The following INPP4B variants were observed in gnomAD, a reference collection of about 807,000 sequenced individuals.
INPP4B encodes inositol polyphosphate-4-phosphatase type II B.
INPP4B carries 55 observed loss-of-function variants against 122.5 expected under a neutral mutation model. That is an observed-to-expected ratio of 0.45 (90% CI 0.36 to 0.56). INPP4B has a LOEUF of 0.56. Among genes scored for constraint, INPP4B ranks in the 20% least tolerant of loss-of-function variants. The pLI is 0.00. For synonymous variants in INPP4B, 403 were observed against 388.7 expected (o/e 1.04, Z -0.43); for missense variants, 1,000 against 1,097.7 (o/e 0.91, Z 1.26).
chr4:142,240,832 A>C (rs1859001132), intron 11 of INPP4B, among the ~76,000 whole-genome samples: 1 of 152,156 alleles, frequency 6.6e-6, no homozygotes. Context: ...AATACCATGC[A>C]GATTTGTTGC....
intron 2 of INPP4B, among the ~76,000 whole-genome samples, chr4:142,678,233 T>C (rs1758098593): frequency 6.6e-6 from 1 of 151,922 alleles, no homozygotes. Flanking sequence ...ATTGAGTCAG[T>C]TCAGAGGGGT....
intron 7 of INPP4B, among the ~76,000 whole-genome samples, chr4:142,352,809 CT>C (rs1782344158): frequency 6.6e-6 from 1 of 151,926 alleles, no homozygotes; most frequent in African/African-American, 2.4e-5. Flanking sequence ...TCCGAATTGC[CT>C]GTACTTATTA....
At chr4:142,234,728 G>T (rs1196510165) in intron 12 of INPP4B, among the ~76,000 whole-genome samples, 1 of 152,112 alleles carries the variant, frequency 6.6e-6, no homozygotes, top group East Asian at 1.9e-4. Context: ...TGTTTTTGTA[G>T]AATTAAAATG....
intron 5 of INPP4B, chr4:142,427,050 A>G (rs1808248875): frequency 6.6e-6 from 1 of 152,350 alleles, no homozygotes; most frequent in Non-Finnish European, 1.5e-5. Flanking sequence ...GAAGTTACTC[A>G]TACAATAATA....
chr4:142,526,682 G>A (rs1015470818), intron 2 of INPP4B, among the ~76,000 whole-genome samples: 10 of 152,022 alleles, frequency 6.6e-5, no homozygotes, highest in Non-Finnish European at 1.3e-4. Context: ...AATCTTCAGA[G>A]GTTTGAAACA....
chr4:142,610,550 A>G (rs116682176), intron 2 of INPP4B, among the ~76,000 whole-genome samples: 1,755 of 152,298 alleles, frequency 0.012, 30 homozygotes, highest in African/African-American at 0.032. Context: ...TTTTAACAGC[A>G]TATGCTTTTC....
chr4:142,627,376 A>G (rs1292600780), intron 2 of INPP4B, among the ~76,000 whole-genome samples: 2 of 147,134 alleles, frequency 1.4e-5, no homozygotes, highest in African/African-American at 5.1e-5. Context: ...TCAGTATGAT[A>G]TTGGCTGTGG....
chr4:142,183,044 C>T (rs1172760239), intron 15 of INPP4B, among the ~76,000 whole-genome samples: 2 of 152,162 alleles, frequency 1.3e-5, no homozygotes, highest in Admixed American at 6.5e-5. Context: ...TTGGTCCTTG[C>T]TCCCTGCCCA....
chr4:142,784,404 TAAA>T, intron 1 of INPP4B, among the ~76,000 whole-genome samples: 1 of 146,614 alleles, frequency 6.8e-6, no homozygotes, highest in Non-Finnish European at 1.5e-5. Context: ...AATAAATAAA[TAAA>T]TAAAAATTAA....
chr4:142,177,364 T>C (rs557965203), intron 15 of INPP4B, among the ~76,000 whole-genome samples: 25 of 152,318 alleles, frequency 1.6e-4, no homozygotes, highest in South Asian at 6.2e-4. Context: ...TTAACAGTTA[T>C]AGCTTCTTAA....
At chr4:142,212,664 C>T (rs1356003024) in intron 12 of INPP4B, among the ~76,000 whole-genome samples, 1 of 152,118 alleles carries the variant, frequency 6.6e-6, no homozygotes, top group African/African-American at 2.4e-5. Context: ...TCACAGCTTC[C>T]ACTTAAGTGG....
chr4:142,618,767 A>G (rs1744233385), intron 2 of INPP4B, among the ~76,000 whole-genome samples: 1 of 152,058 alleles, frequency 6.6e-6, no homozygotes, highest in Admixed American at 6.6e-5. Flanking sequence ...CTGCAGAGTA[A>G]ACAATCAACA....
intron 3 of INPP4B, among the ~76,000 whole-genome samples, chr4:142,434,834 A>C (rs752578642): frequency 1.3e-5 from 2 of 152,194 alleles, no homozygotes; most frequent in Non-Finnish European, 2.9e-5. Context: ...CCACATTGGA[A>C]GAAAAAGAAT....
At chr4:142,189,080 G>C (rs1417115322) in intron 15 of INPP4B, among the ~76,000 whole-genome samples, 1 of 152,122 alleles carries the variant, frequency 6.6e-6, no homozygotes, top group Non-Finnish European at 1.5e-5. Flanking sequence ...TAGAGAATAA[G>C]AAAATATCTA....
intron 3 of INPP4B, among the ~76,000 whole-genome samples, chr4:142,433,328 C>A (rs1021861832): frequency 3.3e-5 from 5 of 152,222 alleles, no homozygotes; most frequent in Admixed American, 2.6e-4. Flanking sequence ...CACAAGCATA[C>A]TTAAAAGAGA....
At chr4:142,555,463 A>G (rs1337099107) in intron 2 of INPP4B, among the ~76,000 whole-genome samples, 1 of 152,206 alleles carries the variant, frequency 6.6e-6, no homozygotes, top group Non-Finnish European at 1.5e-5. Context: ...AGTCTATCTC[A>G]TGTATTTATT....
intron 2 of INPP4B, among the ~76,000 whole-genome samples, chr4:142,663,479 T>C (rs1755539954): frequency 6.6e-6 from 1 of 152,080 alleles, no homozygotes; most frequent in African/African-American, 2.4e-5. Flanking sequence ...AAATGAGAGA[T>C]AAGAATTAAA....
chr4:142,633,985 C>T (rs148266084), intron 2 of INPP4B, among the ~76,000 whole-genome samples: 3 of 151,338 alleles, frequency 2.0e-5, no homozygotes, highest in Non-Finnish European at 4.4e-5. Flanking sequence ...GTGATCACAC[C>T]GCTGCACTCC....
intron 1 of INPP4B, among the ~76,000 whole-genome samples, chr4:142,817,889 A>G (rs1780310570): frequency 6.6e-6 from 1 of 152,192 alleles, no homozygotes; most frequent in Admixed American, 6.6e-5. Flanking sequence ...AAAAGACACC[A>G]GGAAATTGGG....
Sources: allele counts gnomAD v4.1 joint callset (sites outside exome capture counted in the v4.1 genomes callset), GRCh38; gene constraint gnomAD v4.1.1; transcripts MANE v1.5; gene names NCBI Gene and HGNC (gene_info 2026-07-23, HGNC 2026-07-21).